Variants in RGL1 observed in about 807,000 individuals in gnomAD.
RGL1 encodes the protein ral guanine nucleotide dissociation stimulator like 1.
Under a neutral mutation model 95.2 loss-of-function variants are expected in RGL1, and 24 were observed. The ratio of observed to expected loss-of-function variants is 0.25; its 90% CI spans 0.18 to 0.35. The LOEUF (loss-of-function observed/expected upper bound fraction) is 0.35. Among genes scored for constraint, RGL1 ranks in the 10% least tolerant of loss-of-function variants. RGL1 has a pLI of 1.00. For missense variants in RGL1, 715 were observed against 936.3 expected (o/e 0.76, Z 3.08); for synonymous variants, 329 against 344.9 (o/e 0.95, Z 0.51).
chr1:183,679,968 G>T (rs1043568156), intron 1 of RGL1, among the ~76,000 whole-genome samples: 15 of 152,194 alleles, frequency 9.9e-5, no homozygotes, highest in Admixed American at 3.9e-4. Context: ...AATGACCAGT[G>T]ATGATGAGCT....
chr1:183,854,915 A>C (rs1172857797), intron 3 of RGL1, among the ~76,000 whole-genome samples: 1 of 152,190 alleles, frequency 6.6e-6, no homozygotes, highest in Non-Finnish European at 1.5e-5. Flanking sequence ...GCTGAAAAAT[A>C]TTAAGTGCTT....
intron 2 of RGL1, among the ~76,000 whole-genome samples, chr1:183,748,450 A>G (rs1024741704): frequency 8.4e-6 from 1 of 118,510 alleles, no homozygotes; most frequent in Non-Finnish European, 1.6e-5. Flanking sequence ...CTGTTGCCCC[A>G]GCTGGAGTGC....
chr1:183,902,451 C>A, intron 11 of RGL1, 117 bp from the exon 12 acceptor site: 2 of 699,470 alleles, frequency 2.9e-6, no homozygotes, highest in Non-Finnish European at 4.6e-6. Flanking sequence ...ATTATAGGAT[C>A]ATTGATAATT....
intron 1 of RGL1, among the ~76,000 whole-genome samples, chr1:183,681,262 AG>A (rs1163725809): frequency 1.3e-5 from 2 of 152,226 alleles, no homozygotes; most frequent in African/African-American, 4.8e-5. Context: ...CTGTTTTCAA[AG>A]GGAATGCTTT....
At chr1:183,912,006 C>CAACACA in intron 14 of RGL1, 76 bp from the exon 15 acceptor site, 1 of 1,318,694 alleles carries the variant, frequency 7.6e-7, no homozygotes. Context: ...AGGGCTTAAT[C>CAACACA]AACACAAAAT....
intron 2 of RGL1, among the ~76,000 whole-genome samples, chr1:183,834,585 T>C (rs113033699): frequency 6.6e-6 from 1 of 152,226 alleles, no homozygotes; most frequent in Non-Finnish European, 1.5e-5. Context: ...ACACTCATCA[T>C]CTCTAAGGTT....
intron 1 of RGL1, among the ~76,000 whole-genome samples, chr1:183,652,524 A>C (rs113739149): frequency 3.3e-5 from 5 of 152,310 alleles, no homozygotes; most frequent in African/African-American, 7.2e-5. Flanking sequence ...CTCTTAGAGA[A>C]TTCATGGTTT....
At position 183,916,477 on chromosome 1, in the gene RGL1, A is replaced by G. The variant is rs1668977859; in HGVS notation, c.1780A>G (p.Ile594Val). ...TGAGTCCTCCTCATCCTGTTCTTCT[A>G]TCCATTCCATGGACACAAATTCCTC... The part of the protein sequence containing the change: ...LSESSSSCSS[I>V]HSMDTNSSGM... The change falls in exon 16 of 18, where the codon ATC becomes GTC. Residue 594 changes from isoleucine (I) to valine (V), a missense_variant. This residue lies in a region of RGL1 where 330 missense variants were observed against 429.6 expected (regional missense o/e 0.77). Transcript: ENST00000360851. 12 of 1,613,666 alleles carry G rather than the reference A, an allele frequency of 7.4e-6. No individual in the cohort carries two copies. The highest frequency in any genetic ancestry group is 6.7e-5 in the East Asian group (3 of 44,846).
At chr1:183,781,585 G>A (rs1659905975) in intron 2 of RGL1, among the ~76,000 whole-genome samples, 1 of 151,996 alleles carries the variant, frequency 6.6e-6, no homozygotes, top group South Asian at 2.1e-4. Context: ...ACCATTTCTC[G>A]AGATTCTTTA....
intron 1 of RGL1, among the ~76,000 whole-genome samples, chr1:183,645,983 G>C (rs572754005): frequency 6.6e-6 from 1 of 152,248 alleles, no homozygotes; most frequent in African/African-American, 2.4e-5. Context: ...TGATATCCAG[G>C]TTCAGTTCAT....
intron 9 of RGL1, among the ~76,000 whole-genome samples, chr1:183,896,934 G>A (rs979784620): frequency 1.3e-5 from 2 of 152,158 alleles, no homozygotes; most frequent in East Asian, 1.9e-4. Context: ...GTGAAAGTTC[G>A]ACTTTTATGG....
chr1:183,706,782 A>G (rs1404376129), intron 1 of RGL1, among the ~76,000 whole-genome samples: 1 of 152,122 alleles, frequency 6.6e-6, no homozygotes, highest in Non-Finnish European at 1.5e-5. Context: ...TTTGCCTTTT[A>G]CTTTTCTCAT....
chr1:183,842,421 C>T (rs1266941732), intron 2 of RGL1, among the ~76,000 whole-genome samples: 3 of 151,412 alleles, frequency 2.0e-5, no homozygotes, highest in Non-Finnish European at 1.5e-5. Flanking sequence ...TGACTGGAAA[C>T]GGAATTGAAA....
intron 2 of RGL1, among the ~76,000 whole-genome samples, chr1:183,743,508 T>TAGAG (rs1247307227): frequency 6.6e-6 from 1 of 152,236 alleles, no homozygotes; most frequent in Non-Finnish European, 1.5e-5. Context: ...GGTAGTTGTC[T>TAGAG]AGGGTCTGGT....
chr1:183,704,658 G>C (rs1004152854), intron 1 of RGL1, among the ~76,000 whole-genome samples: 1 of 152,242 alleles, frequency 6.6e-6, no homozygotes, highest in African/African-American at 2.4e-5. Flanking sequence ...CTTCAGGTAA[G>C]AGTGTAGCCA....
intron 2 of RGL1, among the ~76,000 whole-genome samples, chr1:183,742,998 A>C (rs1401488518): frequency 6.6e-6 from 1 of 152,064 alleles, no homozygotes; most frequent in Non-Finnish European, 1.5e-5. Context: ...ATAAAATTAA[A>C]GCTAGAGGTT....
At chr1:183,772,867 G>A (rs1326976625) in intron 2 of RGL1, among the ~76,000 whole-genome samples, 1 of 151,106 alleles carries the variant, frequency 6.6e-6, no homozygotes, top group Non-Finnish European at 1.5e-5. Flanking sequence ...AAATTAGCCG[G>A]GCGCGGTGGC....
intron 1 of RGL1, among the ~76,000 whole-genome samples, chr1:183,689,191 G>A (rs933714661): frequency 9.9e-5 from 15 of 151,928 alleles, no homozygotes; most frequent in African/African-American, 3.6e-4. Flanking sequence ...AATTTATTTA[G>A]TATTTTGAAA....
intron 1 of RGL1, among the ~76,000 whole-genome samples, chr1:183,674,878 T>G (rs1413791130): frequency 2.0e-5 from 3 of 152,254 alleles, no homozygotes; most frequent in Non-Finnish European, 4.4e-5. Context: ...TTTATTTAGA[T>G]TTCTCTTCAT....
Sources: allele counts gnomAD v4.1 joint callset (sites outside exome capture counted in the v4.1 genomes callset), GRCh38; gene constraint gnomAD v4.1.1; regional missense constraint gnomAD v4.1.1; transcripts MANE v1.5; gene names NCBI Gene and HGNC (gene_info 2026-07-23, HGNC 2026-07-21).